GRIA1: variants seen among roughly 807,000 people sequenced by gnomAD.
GRIA1 encodes the protein glutamate ionotropic receptor AMPA type subunit 1.
Under a neutral mutation model 99.2 loss-of-function variants are expected in GRIA1, and 31 were observed. The ratio of observed to expected loss-of-function variants is 0.31; its 90% CI spans 0.23 to 0.42. The LOEUF (loss-of-function observed/expected upper bound fraction) is 0.42, where lower values mean the gene tolerates loss of function less well. GRIA1 is among the 10% of genes least tolerant of loss of function. GRIA1 has a pLI of 1.00. For missense variants in GRIA1, 782 were observed against 1,157.5 expected (o/e 0.68, Z 4.71); for synonymous variants, 438 against 432.4 (o/e 1.01, Z -0.16).
chr5:153,663,504 G>T (rs1032533129), intron 5 of GRIA1, among the ~76,000 whole-genome samples: 1 of 152,150 alleles, frequency 6.6e-6, no homozygotes, highest in Non-Finnish European at 1.5e-5. Flanking sequence ...TCTCCTGTTT[G>T]TACCTCAGCT....
chr5:153,745,289 T>G (rs1020708436), intron 11 of GRIA1, among the ~76,000 whole-genome samples: 3 of 117,712 alleles, frequency 2.5e-5, no homozygotes, highest in Non-Finnish European at 5.0e-5. Flanking sequence ...AGTTAGAAAT[T>G]ACAAAAAAAA....
In GRIA1 at chr5:153,494,207, A is replaced by G. The variant is rs147317958; in HGVS notation, c.220+142A>G. On this transcript the variant is annotated intron_variant, in intron 2 of 15. Coordinates refer to ENST00000285900, the MANE Select transcript of GRIA1 (RefSeq NM_000827.4). ...AGAAAGCCCTCCAAGAAAAATTTCT[A>G]GAGGCTTCTGAGTGATTCCAGCAGT... 1.3e-4 allele frequency: 107 copies of G among 800,866 alleles called. 1 individual carries two copies. The highest frequency in any genetic ancestry group is 1.3e-3 in the African/African-American group (74 of 58,118). The allele number at this position is 800,866 out of a possible 1,614,324, so 49.6% of individuals were successfully genotyped here. A position where few individuals can be genotyped will look rare whatever the true frequency, so the allele number is the denominator to read the frequency against.
intron 5 of GRIA1, among the ~76,000 whole-genome samples, chr5:153,658,385 C>T (rs954113425): frequency 6.6e-6 from 1 of 152,148 alleles, no homozygotes; most frequent in Non-Finnish European, 1.5e-5. Flanking sequence ...CCAAGTCAGC[C>T]TCTTGGGCTG....
At chr5:153,588,286 T>G (rs1763669385) in intron 2 of GRIA1, among the ~76,000 whole-genome samples, 1 of 152,236 alleles carries the variant, frequency 6.6e-6, no homozygotes, top group Middle Eastern at 3.2e-3. Flanking sequence ...GTGCACCCTT[T>G]GCCAAATTCC....
chr5:153,597,999 G>A (rs1032030215), intron 2 of GRIA1, among the ~76,000 whole-genome samples: 1 of 152,114 alleles, frequency 6.6e-6, no homozygotes, highest in African/African-American at 2.4e-5. Context: ...GTGACAAGGT[G>A]AAACTCAGTC....
chr5:153,536,641 A>G (rs11748184), intron 2 of GRIA1, among the ~76,000 whole-genome samples: 7,674 of 152,302 alleles, frequency 0.05, 265 homozygotes, highest in Non-Finnish European at 0.076. Flanking sequence ...TAGCTTTTGG[A>G]ATCCATTGGG....
chr5:153,665,901 A>C (rs1755709656), intron 5 of GRIA1, among the ~76,000 whole-genome samples: 1 of 152,220 alleles, frequency 6.6e-6, no homozygotes, highest in Admixed American at 6.5e-5. Flanking sequence ...CCAGGAACAT[A>C]GCTTATAAGA....
rs114348463 is a variant in GRIA1, at chr5:153,559,532, A to G, written c.220+65467A>G. 1.4e-3 allele frequency among the ~76,000 whole-genome samples: 217 copies of G among 152,324 alleles called. 1 individual carries two copies. The highest frequency in any genetic ancestry group is 4.9e-3 in the African/African-American group (202 of 41,580). On this transcript the variant is annotated intron_variant, in intron 2 of 15. Coordinates refer to ENST00000285900, the MANE Select transcript of GRIA1 (RefSeq NM_000827.4). ...ATCTTGTGATCTCTCTACATGTGTA[A>G]TAAATATATAAACCATAATATAGCT... is the stretch of plus-strand genomic sequence containing the variant.
chr5:153,767,911 C>T (rs1379761814), intron 12 of GRIA1, among the ~76,000 whole-genome samples: 2 of 152,178 alleles, frequency 1.3e-5, no homozygotes, highest in African/African-American at 2.4e-5. Flanking sequence ...TCCCAAGTGT[C>T]TGTGTGCACA....
At chr5:153,672,514 G>A (rs186738878) in intron 5 of GRIA1, among the ~76,000 whole-genome samples, 2 of 152,046 alleles carry the variant, frequency 1.3e-5, no homozygotes, top group Admixed American at 1.3e-4. Flanking sequence ...ACATTTCCAG[G>A]CAGAGAGAAT....
At chr5:153,563,709 C>G (rs1158433369) in intron 2 of GRIA1, among the ~76,000 whole-genome samples, 2 of 152,138 alleles carry the variant, frequency 1.3e-5, no homozygotes, top group African/African-American at 4.8e-5. Flanking sequence ...GAAGAAGGAG[C>G]ATCGTATCAA....
At chr5:153,756,838 G>T (rs989606313) in intron 11 of GRIA1, among the ~76,000 whole-genome samples, 2 of 152,124 alleles carry the variant, frequency 1.3e-5, no homozygotes, top group African/African-American at 4.8e-5. Flanking sequence ...CCAACTGAAG[G>T]ATGAGCACAA....
chr5:153,510,764 C>A (rs1469077990), intron 2 of GRIA1, among the ~76,000 whole-genome samples: 2 of 152,112 alleles, frequency 1.3e-5, no homozygotes, highest in Non-Finnish European at 2.9e-5. Flanking sequence ...CTAGAATAAT[C>A]CTCAGCAAAC....
chr5:153,728,119 A>G (rs921335290), intron 11 of GRIA1, among the ~76,000 whole-genome samples: 20 of 151,374 alleles, frequency 1.3e-4, no homozygotes, highest in Non-Finnish European at 2.8e-4. Context: ...CCTGAGAAAA[A>G]TAAGCAATGG....
intron 13 of GRIA1, among the ~76,000 whole-genome samples, chr5:153,782,495 C>T (rs1021874277): frequency 6.6e-6 from 1 of 152,110 alleles, no homozygotes; most frequent in African/African-American, 2.4e-5. Context: ...AACTAGAAAT[C>T]TCAATTTTTA....
intron 11 of GRIA1, among the ~76,000 whole-genome samples, chr5:153,735,610 T>C (rs1041272767): frequency 5.9e-5 from 9 of 152,126 alleles, no homozygotes; most frequent in Non-Finnish European, 1.0e-4. Flanking sequence ...GAGGCAGAAA[T>C]TGGGCATAAG....
rs571557415 is a variant in GRIA1 at position 153,813,714 on chromosome 5, T to G, written c.*2489T>G. On this transcript the variant is annotated 3_prime_UTR_variant, in exon 16 of 16. Transcript: ENST00000285900. ...TTTTATTTAACATCTATATTTGTTT[T>G]AACTCTCTTGGCAGATGTGTGAAAG... 1.3e-5 allele frequency: 2 copies of G among 152,368 alleles called. No individual in the cohort carries two copies. Among genetic ancestry groups the G allele is most frequent in the African/African-American group, 4.8e-5 (2 of 41,598 alleles). 9.4% of individuals were successfully genotyped at this position (152,368 alleles called of 1,614,324 possible). A position where few individuals can be genotyped will look rare whatever the true frequency, so the allele number is the denominator to read the frequency against.
At chr5:153,495,665 G>A (rs1754341854) in intron 2 of GRIA1, among the ~76,000 whole-genome samples, 1 of 152,120 alleles carries the variant, frequency 6.6e-6, no homozygotes, top group Non-Finnish European at 1.5e-5. Flanking sequence ...GTAATGCTGA[G>A]GTTGAAAATC....
intron 2 of GRIA1, among the ~76,000 whole-genome samples, chr5:153,592,956 C>T (rs987257980): frequency 4.6e-5 from 7 of 152,122 alleles, no homozygotes; most frequent in African/African-American, 1.7e-4. Context: ...GGGCTCCACC[C>T]TCGTGACCTC....
Sources: gnomAD v4.1 joint callset for allele counts (sites outside exome capture counted in the v4.1 genomes callset) on GRCh38, gnomAD v4.1.1 for gene constraint, MANE v1.5 for transcripts, NCBI Gene and HGNC (gene_info 2026-07-23, HGNC 2026-07-21) for gene names.